Variants in SLCO1A2 observed in about 807,000 individuals in gnomAD.
The protein encoded by SLCO1A2 is OATP-1.
Under a neutral mutation model 69.0 loss-of-function variants are expected in SLCO1A2, and 67 were observed. The ratio of observed to expected loss-of-function variants is 0.97; its 90% CI spans 0.80 to 1.19. The LOEUF (loss-of-function observed/expected upper bound fraction) is 1.19, where lower values mean the gene tolerates loss of function less well. Among genes scored for constraint, SLCO1A2 ranks in the 50% most tolerant of loss-of-function variants. SLCO1A2 has a pLI of 0.00. For missense variants in SLCO1A2, 787 were observed against 793.7 expected, an observed-to-expected ratio of 0.99 and a Z score of 0.10; for synonymous variants, 260 against 265.9, an observed-to-expected ratio of 0.98 and a Z score of 0.22.
chr12:21,288,875 T>G (rs1297532830), intron 12 of SLCO1A2, among the ~76,000 whole-genome samples: 1 of 151,362 alleles, frequency 6.6e-6, no homozygotes, highest in Admixed American at 6.6e-5. Context: ...TTACTTCTGA[T>G]TTATTTTATG....
intron 14 of SLCO1A2, among the ~76,000 whole-genome samples, chr12:21,273,011 A>G (rs1943152132): frequency 6.6e-6 from 1 of 152,066 alleles, no homozygotes; most frequent in Admixed American, 6.6e-5. Context: ...CAAGACTCAT[A>G]GGTCAGGGAC....
chr12:21,418,691 A>C (rs1292529055), upstream of SLCO1A2, among the ~76,000 whole-genome samples: 1 of 152,116 alleles, frequency 6.6e-6, no homozygotes, highest in African/African-American at 2.4e-5. Context: ...GGTCCCTCCA[A>C]CAACGTGTGG....
chr12:21,355,918 C>T (rs891683185), intron 2 of SLCO1A2, among the ~76,000 whole-genome samples: 26 of 152,080 alleles, frequency 1.7e-4, no homozygotes, highest in Non-Finnish European at 1.9e-4. Flanking sequence ...TAGAACTAAA[C>T]TAACTTAATC....
chr12:21,274,809 A>G, intron 13 of SLCO1A2: 1 of 689,646 alleles, frequency 1.5e-6, no homozygotes, highest in South Asian at 3.3e-5. Context: ...TTATTAGTAG[A>G]GTAAAACATT....
At chr12:21,316,213 A>G (rs1481868650) in intron 3 of SLCO1A2, among the ~76,000 whole-genome samples, 1 of 152,134 alleles carries the variant, frequency 6.6e-6, no homozygotes, top group African/African-American at 2.4e-5. Flanking sequence ...CCCAACACTA[A>G]ACACATCACC....
chr12:21,295,443 G>C, intron 10 of SLCO1A2, 154 bp downstream of exon 10: 1 of 602,690 alleles, frequency 1.7e-6, no homozygotes, highest in African/African-American at 1.9e-5. Context: ...GGATAGATTG[G>C]CTTGATTGAC....
intron 4 of SLCO1A2, among the ~76,000 whole-genome samples, chr12:21,307,276 C>T (rs1023697904): frequency 6.6e-6 from 1 of 151,986 alleles, no homozygotes; most frequent in Non-Finnish European, 1.5e-5. Flanking sequence ...GTTATCATTT[C>T]CTGGATATAA....
At chr12:21,355,147 T>C (rs1294726419) in intron 2 of SLCO1A2, 2 of 152,210 alleles carry the variant, frequency 1.3e-5, no homozygotes, top group Non-Finnish European at 2.9e-5. Context: ...TTTATTATAA[T>C]TTCCCGTGTT....
intron 2 of SLCO1A2, among the ~76,000 whole-genome samples, chr12:21,333,776 T>G (rs1952753947): frequency 6.6e-6 from 1 of 152,140 alleles, no homozygotes; most frequent in Admixed American, 6.6e-5. Flanking sequence ...GCTATTACCC[T>G]TTTCAGATGA....
intron 13 of SLCO1A2, chr12:21,274,860 T>C: frequency 1.2e-5 from 11 of 951,890 alleles, no homozygotes; most frequent in Non-Finnish European, 1.5e-5. Context: ...CTTAAATGTT[T>C]TGGGCCAGTT....
intron 2 of SLCO1A2, among the ~76,000 whole-genome samples, chr12:21,332,967 A>G (rs994576088): frequency 6.6e-6 from 1 of 152,126 alleles, no homozygotes; most frequent in African/African-American, 2.4e-5. Flanking sequence ...AAATTTGAAT[A>G]GCATTCTTAA....
chr12:21,381,006 T>C lies in SLCO1A2; in HGVS notation c.-189-6481A>G, dbSNP rs1005463594. Among the ~76,000 whole-genome samples the C allele has an allele frequency of 2.6e-5, 4 of 152,124 alleles. No individual in the cohort carries two copies. The East Asian group carries it at 7.7e-4, about 29-fold the overall frequency. On this transcript the variant is annotated intron_variant, in intron 1 of 15. Coordinates refer to the SLCO1A2 transcript ENST00000307378. ...GCACCAGAGAAAGGTAGACTCCCAA[T>C]AGGTAGAAAACACCTAAAACTGATG...
At chr12:21,330,118 T>C (rs1952509376) in intron 2 of SLCO1A2, among the ~76,000 whole-genome samples, 1 of 152,088 alleles carries the variant, frequency 6.6e-6, no homozygotes, top group African/African-American at 2.4e-5. Flanking sequence ...CATATAGCTA[T>C]AACAGACATA....
chr12:21,357,610 AGATGC>A (rs1938477304), intron 2 of SLCO1A2, among the ~76,000 whole-genome samples: 1 of 152,194 alleles, frequency 6.6e-6, no homozygotes, highest in African/African-American at 2.4e-5. Context: ...AGCGTCCAAT[AGATGC>A]TCTAAGTATT....
At chr12:21,362,239 A>G (rs1198648684) in intron 2 of SLCO1A2, among the ~76,000 whole-genome samples, 3 of 152,188 alleles carry the variant, frequency 2.0e-5, no homozygotes, top group Non-Finnish European at 2.9e-5. Context: ...AGTGGGGGCC[A>G]ATATTCAACA....
intron 2 of SLCO1A2, among the ~76,000 whole-genome samples, chr12:21,325,967 G>T (rs1158241599): frequency 6.6e-6 from 1 of 152,114 alleles, no homozygotes; most frequent in Non-Finnish European, 1.5e-5. Flanking sequence ...TGGTTTGGCT[G>T]TGTCCCCACC....
At chr12:21,392,547 C>T (rs1364292981) in intron 1 of SLCO1A2, among the ~76,000 whole-genome samples, 2 of 152,174 alleles carry the variant, frequency 1.3e-5, no homozygotes, top group African/African-American at 4.8e-5. Context: ...AGCTTACCTC[C>T]CCCTAACAGA....
intron 3 of SLCO1A2, among the ~76,000 whole-genome samples, chr12:21,315,467 T>C (rs926989989): frequency 2.0e-5 from 3 of 152,202 alleles, no homozygotes; most frequent in Admixed American, 2.0e-4. Context: ...AACCATACAT[T>C]TTTAATTCAG....
At chr12:21,319,669 C>T (rs1308424499) in intron 2 of SLCO1A2, 4 of 343,496 alleles carry the variant, frequency 1.2e-5, no homozygotes, top group Non-Finnish European at 2.3e-5. Context: ...TCACCTGGAC[C>T]ATTGGCTTCT....
Sources: gnomAD v4.1 joint callset for allele counts (sites outside exome capture counted in the v4.1 genomes callset) on GRCh38, gnomAD v4.1.1 for gene constraint, MANE v1.5 for transcripts, NCBI Gene and HGNC (gene_info 2026-07-23, HGNC 2026-07-21) for gene names.